Variants in FNTB observed in about 807,000 individuals in gnomAD.
The protein encoded by FNTB is protein farnesyltransferase subunit beta.
FNTB carries 27 observed loss-of-function variants against 59.4 expected under a neutral mutation model. That is an observed-to-expected ratio of 0.45 (90% CI 0.34 to 0.63). The LOEUF (loss-of-function observed/expected upper bound fraction) is 0.63, where lower values mean the gene tolerates loss of function less well. Ranked by LOEUF, FNTB falls within the 20% of genes least tolerant of loss-of-function variation. The pLI is 0.02. For missense variants in FNTB, 449 were observed against 559.6 expected, an observed-to-expected ratio of 0.80 and a Z score of 1.99; for synonymous variants, 230 against 220.7, an observed-to-expected ratio of 1.04 and a Z score of -0.37.
intron 9 of FNTB, among the ~76,000 whole-genome samples, chr14:65,050,837 C>T (rs756883654): frequency 3.9e-5 from 6 of 152,160 alleles, no homozygotes; most frequent in Non-Finnish European, 7.3e-5. Context: ...ATAATTCCAC[C>T]GTGGTCAGTC....
chr14:65,062,257 A>G lies in FNTB; in HGVS notation c.*945A>G, dbSNP rs932143613. Reference sequence around the variant, plus strand: ...GAGTATTAACACTACTAAGTCTTTCACCTTAACTTATGACTCAGGATTTAT... The same window carrying G: ...GAGTATTAACACTACTAAGTCTTTCGCCTTAACTTATGACTCAGGATTTAT... On this transcript the variant is annotated 3_prime_UTR_variant, in exon 12 of 12. Coordinates refer to ENST00000246166, the MANE Select transcript of FNTB (RefSeq NM_002028.4). The surrounding 1 kb of genome is among the most constrained non-coding windows in gnomAD (Gnocchi z 4.3). 2 of 152,246 alleles carry G rather than the reference A, an allele frequency of 1.3e-5. No individual in the cohort carries two copies. Among genetic ancestry groups the G allele is most frequent in the African/African-American group, 4.8e-5 (2 of 41,462 alleles). 9.4% of individuals were successfully genotyped at this position (152,246 alleles called of 1,614,324 possible). A position where few individuals can be genotyped will look rare whatever the true frequency, so the allele number is the denominator to read the frequency against.
In FNTB at chr14:65,028,931, A is replaced by T. The variant is rs2062030955; in HGVS notation, c.605+1150A>T. On this transcript the variant is annotated intron_variant, in intron 6 of 11. Transcript: ENST00000246166. The surrounding 1 kb of genome is among the most constrained non-coding windows in gnomAD (Gnocchi z 4.4). ...TACTAAGATTATTAGGCAAAAGCAAACAAATCATAGCAAGATCCTTTTGGT... is the reference window on the plus strand; with the variant it reads ...TACTAAGATTATTAGGCAAAAGCAATCAAATCATAGCAAGATCCTTTTGGT... Among the ~76,000 whole-genome samples, 1 of 152,240 alleles carries T rather than the reference A, an allele frequency of 6.6e-6. No individual in the cohort carries two copies. Among genetic ancestry groups the T allele is most frequent in the Non-Finnish European group, 1.5e-5 (1 of 68,036 alleles).
intron 7 of FNTB, among the ~76,000 whole-genome samples, chr14:65,036,794 T>C (rs1595067717): frequency 6.6e-6 from 1 of 151,954 alleles, no homozygotes; most frequent in East Asian, 1.9e-4. Context: ...CCTGCCACCA[T>C]GCCTGACTAA....
rs2062429957 is a variant in FNTB at position 65,044,453 on chromosome 14, G to A, written c.955+10G>A. On this transcript the variant is annotated intron_variant, in intron 9 of 11. Coordinates refer to ENST00000246166, the MANE Select transcript of FNTB (RefSeq NM_002028.4). The surrounding 1 kb of genome is among the most constrained non-coding windows in gnomAD (Gnocchi z 5.5). ...GCACTGCACGCCCAAGGTGAGCCTGGGGAGCTGTTCACTTGGGGCTGGATG... is the reference window on the plus strand; with the variant it reads ...GCACTGCACGCCCAAGGTGAGCCTGAGGAGCTGTTCACTTGGGGCTGGATG... The A allele has an allele frequency of 6.3e-7, 1 of 1,598,386 alleles. No individual in the cohort carries two copies.
intron 9 of FNTB, among the ~76,000 whole-genome samples, chr14:65,045,563 G>C (rs189489913): frequency 6.6e-6 from 1 of 151,850 alleles, no homozygotes; most frequent in Non-Finnish European, 1.5e-5. Flanking sequence ...CTACAGGCGC[G>C]TGCCACCACA....
At chr14:65,033,305 T>C (rs1213462175) in intron 7 of FNTB, among the ~76,000 whole-genome samples, 1 of 152,216 alleles carries the variant, frequency 6.6e-6, no homozygotes, top group African/African-American at 2.4e-5. Context: ...GAGAATTCTG[T>C]ATTGTTTCTG....
chr14:65,032,676 C>T lies in FNTB; in HGVS notation c.672C>T (p.Gly224=), dbSNP rs1459855883. 1.5e-5 allele frequency: 25 copies of T among 1,613,752 alleles called. No homozygotes were observed. The highest frequency in any genetic ancestry group is 1.9e-5 in the Non-Finnish European group (23 of 1,180,002). The change falls in exon 7 of 12, where the codon GGC becomes GGT. Residue 224 remains glycine (G), a synonymous_variant. Coordinates refer to ENST00000246166, the MANE Select transcript of FNTB (RefSeq NM_002028.4). This position sits in a 1 kb window ranked among gnomAD's most constrained non-coding sequence, Gnocchi z 5.0. ...TNIITPDLFE[G]TAEWIARCQN... ...TCATCACTCCAGACCTCTTTGAGGG[C>T]ACTGCTGAATGGATAGCAAGGTGAG...
intron 4 of FNTB, among the ~76,000 whole-genome samples, chr14:65,025,870 A>G (rs1397642221): frequency 6.6e-6 from 1 of 152,184 alleles, no homozygotes; most frequent in East Asian, 1.9e-4. Flanking sequence ...TTCAGTTTCA[A>G]TCCTTGTGTT....
At chr14:65,016,767 G>A (rs1010785901) in intron 4 of FNTB, among the ~76,000 whole-genome samples, 1 of 152,186 alleles carries the variant, frequency 6.6e-6, no homozygotes, top group Non-Finnish European at 1.5e-5. Flanking sequence ...ATTAACCCTT[G>A]TGGTACGTAG....
chr14:65,027,380 A>G lies in FNTB; in HGVS notation c.375-73A>G. On this transcript the variant is annotated intron_variant, in intron 4 of 11. Transcript: ENST00000246166. The surrounding 1 kb of genome is among the most constrained non-coding windows in gnomAD (Gnocchi z 5.7). ...GTGGGGGATCATTGGAAAGGCCTGG[A>G]ATCTAGTGGGAATTTGGTGTTTTGA... 1 of 1,585,122 alleles carries G rather than the reference A, an allele frequency of 6.3e-7. No homozygotes were observed. Among genetic ancestry groups the G allele is most frequent in the South Asian group, 1.2e-5 (1 of 85,604 alleles).
rs1262392628 is a variant in FNTB, at chr14:65,037,402, CCTTTTTTTTTTTTTT to C, written c.693-3387_693-3373del. 7.4e-3 allele frequency among the ~76,000 whole-genome samples: 108 copies of C among 14,512 alleles called. 18 individuals are homozygous for C. The highest frequency in any genetic ancestry group is 9.6e-3 in the East Asian group (6 of 628). 9.5% of individuals were successfully genotyped at this position (14,512 alleles called of 152,430 possible). A position where few individuals can be genotyped will look rare whatever the true frequency, so the allele number is the denominator to read the frequency against. On this transcript the variant is annotated intron_variant, in intron 7 of 11. Coordinates refer to ENST00000246166, the MANE Select transcript of FNTB (RefSeq NM_002028.4). ...ATAGGCGTGAGCCACCACGCCGGGC[CCTTTTTTTTTTTTTT>C]TTTTTTTTTTTTTTTTTTTTTTTTT...
chr14:65,049,732 C>A (rs150663956), intron 9 of FNTB, among the ~76,000 whole-genome samples: 2 of 152,154 alleles, frequency 1.3e-5, no homozygotes, highest in African/African-American at 4.8e-5. Context: ...AATATATGTA[C>A]ATTTTGTACA....
rs2062694589 is a variant in FNTB at position 65,054,816 on chromosome 14, C to T, written c.1182+127C>T. 9.5e-7 allele frequency: 1 copy of T among 1,051,256 alleles called. No individual in the cohort carries two copies. The highest frequency in any genetic ancestry group is 1.6e-5 in the African/African-American group (1 of 63,246). 65.1% of individuals were successfully genotyped at this position (1,051,256 alleles called of 1,614,324 possible). A position where few individuals can be genotyped will look rare whatever the true frequency, so the allele number is the denominator to read the frequency against. ...GGCGGAAGCTTGTGGTCCCTCTGCC[C>T]TTCGAGCTGTGCAGCCGTTAGTGAG... On this transcript the variant is annotated intron_variant, in intron 11 of 11. Coordinates refer to ENST00000246166, the MANE Select transcript of FNTB (RefSeq NM_002028.4). The surrounding 1 kb of genome is among the most constrained non-coding windows in gnomAD (Gnocchi z 4.4).
In FNTB at chr14:65,039,841, T is replaced by C. The variant is rs191543010; in HGVS notation, c.693-949T>C. Among the ~76,000 whole-genome samples, 33 of 152,262 alleles carry C rather than the reference T, an allele frequency of 2.2e-4. 1 individual carries two copies. The highest frequency in any genetic ancestry group is 1.3e-3 in the Admixed American group (20 of 15,288). On this transcript the variant is annotated intron_variant, in intron 7 of 11. Transcript: ENST00000246166. ...GTATACAGGTTCATTATAAAAACTT[T>C]TTGAACAAATAGAAAAACAAAAAGG...
intron 4 of FNTB, among the ~76,000 whole-genome samples, chr14:65,026,649 C>G (rs912970959): frequency 6.6e-6 from 1 of 152,100 alleles, no homozygotes. Flanking sequence ...CACTTGAGGT[C>G]AGGTAGTTCA....
rs1016577778 is a variant in FNTB, at chr14:65,023,798, TTA to T, written c.375-3653_375-3652del. Among the ~76,000 whole-genome samples the T allele has an allele frequency of 3.3e-4, 51 of 152,246 alleles. No homozygotes were observed. Among genetic ancestry groups the T allele is most frequent in the African/African-American group, 1.2e-3 (48 of 41,548 alleles). On this transcript the variant is annotated intron_variant, in intron 4 of 11. Coordinates refer to ENST00000246166, the MANE Select transcript of FNTB (RefSeq NM_002028.4). This position sits in a 1 kb window ranked among gnomAD's most constrained non-coding sequence, Gnocchi z 4.1. ...AGGAGCATTGCTATCACCTGGGAAC[TTA>T]TTAGAAATGAGGACTCTCAGCCGGG... is the stretch of plus-strand genomic sequence containing the variant.
chr14:65,037,938 C>G (rs2062251694), intron 7 of FNTB, among the ~76,000 whole-genome samples: 1 of 151,668 alleles, frequency 6.6e-6, no homozygotes, highest in East Asian at 2.0e-4. Flanking sequence ...CGCCACGACA[C>G]CCAGCTAATT....
In FNTB at chr14:65,054,778, T is replaced by A; in HGVS notation, c.1182+89T>A. The stretch of plus-strand genomic sequence containing the variant: ...AAGTAAGCAGAACTGGCTCTGCATT[T>A]CCTGTGTGGACAGGCGGAAGCTTGT... On this transcript the variant is annotated intron_variant, in intron 11 of 11. Transcript: ENST00000246166. The surrounding 1 kb of genome is among the most constrained non-coding windows in gnomAD (Gnocchi z 4.4). The A allele has an allele frequency of 1.4e-6, 2 of 1,390,628 alleles. No homozygotes were observed. The highest frequency in any genetic ancestry group is 2.0e-6 in the Non-Finnish European group (2 of 1,011,400). 86.1% of individuals were successfully genotyped at this position (1,390,628 alleles called of 1,614,324 possible).
rs918438339 is a variant in FNTB at position 65,061,568 on chromosome 14, G to A, written c.*256G>A. On this transcript the variant is annotated 3_prime_UTR_variant, in exon 12 of 12. Transcript: ENST00000246166. ...GTGGTGTGGTTGGTGAACAGTGCATGCCAGGAGGAAGCAGTCCCTCCTCAC... is the reference window on the plus strand; with the variant it reads ...GTGGTGTGGTTGGTGAACAGTGCATACCAGGAGGAAGCAGTCCCTCCTCAC... 1.9e-5 allele frequency: 8 copies of A among 425,974 alleles called. No homozygotes were observed. Among genetic ancestry groups the A allele is most frequent in the Non-Finnish European group, 3.4e-5 (8 of 237,890 alleles). The allele number at this position is 425,974 out of a possible 1,614,324, so 26.4% of individuals were successfully genotyped here.
Sources: gnomAD v4.1 joint callset for allele counts (sites outside exome capture counted in the v4.1 genomes callset) on GRCh38, gnomAD v4.1.1 for gene constraint, Gnocchi (gnomAD v3.1) non-coding constraint, MANE v1.5 for transcripts, NCBI Gene and HGNC (gene_info 2026-07-23, HGNC 2026-07-21) for gene names.